OR51B5: variants seen among roughly 807,000 people sequenced by gnomAD.
The protein encoded by OR51B5 is olfactory receptor family 51 subfamily B member 5.
For missense variants in OR51B5, 456 were observed against 374.6 expected (o/e 1.22, Z -1.79); for synonymous variants, 186 against 144.8 (o/e 1.28, Z -2.04).
chr11:5,463,382 G>C (rs1851088751), intron 1 of OR51B5, among the ~76,000 whole-genome samples: 1 of 152,142 alleles, frequency 6.6e-6, no homozygotes. Context: ...TAAAGGTATG[G>C]ATGACATACT....
chr11:5,406,771 A>C (rs1202932354), intron 1 of OR51B5, among the ~76,000 whole-genome samples: 1 of 152,140 alleles, frequency 6.6e-6, no homozygotes, highest in East Asian at 1.9e-4. Flanking sequence ...TCCAAAGAGA[A>C]GGGAAGCCTA....
intron 1 of OR51B5, among the ~76,000 whole-genome samples, chr11:5,449,600 C>T (rs1307559287): frequency 6.6e-6 from 1 of 152,130 alleles, no homozygotes; most frequent in Non-Finnish European, 1.5e-5. Flanking sequence ...TCATTGAGTC[C>T]TTACTTGCCA....
At chr11:5,390,551 G>A in intron 1 of OR51B5, 1 of 598,372 alleles carries the variant, frequency 1.7e-6, no homozygotes, top group Non-Finnish European at 2.8e-6. Flanking sequence ...AACTTCTCTT[G>A]CTTAGATTTT....
At chr11:5,503,949 G>T (rs1481191266) in intron 1 of OR51B5, among the ~76,000 whole-genome samples, 1 of 152,088 alleles carries the variant, frequency 6.6e-6, no homozygotes, top group Non-Finnish European at 1.5e-5. Flanking sequence ...TTTAAGTGAT[G>T]TACTTCCCCT....
intron 1 of OR51B5, among the ~76,000 whole-genome samples, chr11:5,349,037 T>C (rs112478150): frequency 3.9e-5 from 6 of 152,268 alleles, no homozygotes; most frequent in African/African-American, 9.6e-5. Flanking sequence ...CATCAGTTTA[T>C]GCGGCAGAGT....
At chr11:5,398,393 C>T (rs889285233) in intron 1 of OR51B5, among the ~76,000 whole-genome samples, 2 of 152,102 alleles carry the variant, frequency 1.3e-5, no homozygotes, top group African/African-American at 2.4e-5. Context: ...ACTTTCTCCC[C>T]ATTACTCTAC....
At chr11:5,400,832 AAAG>A (rs1849956754) in intron 1 of OR51B5, among the ~76,000 whole-genome samples, 2 of 152,220 alleles carry the variant, frequency 1.3e-5, no homozygotes, top group Non-Finnish European at 2.9e-5. Context: ...TCTGCAGAGC[AAAG>A]AAGAACTTCA....
intron 1 of OR51B5, among the ~76,000 whole-genome samples, chr11:5,374,387 C>T (rs1382777589): frequency 2.0e-5 from 3 of 152,076 alleles, no homozygotes; most frequent in Non-Finnish European, 2.9e-5. Context: ...GGGGAAAAAA[C>T]AGAGCAGAAA....
At chr11:5,463,530 C>T (rs1031377222) in intron 1 of OR51B5, among the ~76,000 whole-genome samples, 2 of 152,164 alleles carry the variant, frequency 1.3e-5, no homozygotes, top group Non-Finnish European at 2.9e-5. Context: ...AGAGATATTT[C>T]GTCACTATCT....
rs1564911767 is a variant in OR51B5 at position 5,342,835 on chromosome 11, C to CTCTCTGGAGGCAATGCTCAGGACAGTCT, written c.662_689dup (p.Glu231AspfsTer70). The CTCTCTGGAGGCAATGCTCAGGACAGTCT allele has an allele frequency of 1.2e-6, 2 of 1,613,084 alleles. No individual in the cohort carries two copies. The highest frequency in any genetic ancestry group is 3.3e-5 in the Admixed American group (2 of 59,996). ...AGGTAATGAGAGCCTTGGCCCTCTC[C>CTCTCTGGAGGCAATGCTCAGGACAGTCT]TCTCTGGAGGCAATGCTCAGGACAG... On this transcript the variant is annotated frameshift_variant, in exon 1 of 1. Transcript: ENST00000300773. LOFTEE classifies it low-confidence loss of function (END_TRUNC).
intron 1 of OR51B5, among the ~76,000 whole-genome samples, chr11:5,349,108 C>G (rs1332268713): frequency 6.6e-6 from 1 of 152,104 alleles, no homozygotes; most frequent in Non-Finnish European, 1.5e-5. Context: ...ATGACAGAGA[C>G]CCTGGAAGAG....
At chr11:5,342,627 C>A in exon 1 of OR51B5, 1 of 1,604,510 alleles carries the variant, frequency 6.2e-7, no homozygotes, top group Admixed American at 1.7e-5. Context: ...TGAAGAATGG[C>A]ATTCTGAATC....
chr11:5,351,921 G>A (rs755916045), intron 1 of OR51B5: 3 of 1,613,196 alleles, frequency 1.9e-6, no homozygotes, highest in South Asian at 2.2e-5. Context: ...CCAACACCCA[G>A]GTAATGAAGA....
chr11:5,352,075 ATCACCT>A (rs1156905443), intron 1 of OR51B5: 1 of 1,614,152 alleles, frequency 6.2e-7, no homozygotes. Context: ...CTGTGCTGAC[ATCACCT>A]TCAACCGTCT....
chr11:5,403,134 T>C (rs1849998652), intron 1 of OR51B5: 1 of 470,558 alleles, frequency 2.1e-6, no homozygotes, highest in African/African-American at 2.0e-5. Flanking sequence ...CCCTCTCACA[T>C]TCCTATTGTC....
chr11:5,378,673 A>G (rs192450131), intron 1 of OR51B5, among the ~76,000 whole-genome samples: 3 of 152,372 alleles, frequency 2.0e-5, no homozygotes, highest in East Asian at 1.9e-4. Context: ...ACACTTCTCA[A>G]AAGAAAACAT....
chr11:5,361,354 G>C lies in OR51B5; in HGVS notation n.85-14444C>G, dbSNP rs1849281371. 2.0e-5 allele frequency among the ~76,000 whole-genome samples: 3 copies of C among 152,074 alleles called. No homozygotes were observed. The South Asian group carries it at 6.2e-4, about 32-fold the overall frequency. ...AAGAAGGAGGGAGGAGAGAGGAGTG[G>C]GCCGTAGGGAGGAGTTTCTGAAACT... is the stretch of plus-strand genomic sequence containing the variant. On this transcript the variant is annotated intron_variant and non_coding_transcript_variant, in intron 1 of 4. Coordinates refer to the OR51B5 transcript ENST00000415970.
At chr11:5,505,407 C>G (rs1846357877) in intron 1 of OR51B5, 1 of 1,304,084 alleles carries the variant, frequency 7.7e-7, no homozygotes, top group African/African-American at 1.5e-5. Flanking sequence ...CCCCTAGCAC[C>G]ACCATAAACA....
intron 1 of OR51B5, among the ~76,000 whole-genome samples, chr11:5,443,400 T>C (rs1850719977): frequency 6.6e-6 from 1 of 152,014 alleles, no homozygotes; most frequent in African/African-American, 2.4e-5. Context: ...ATTTAATGAG[T>C]AGTGTTTTCT....
Sources: gnomAD v4.1 joint callset for allele counts (sites outside exome capture counted in the v4.1 genomes callset) on GRCh38, gnomAD v4.1.1 for gene constraint, MANE v1.5 for transcripts, NCBI Gene and HGNC (gene_info 2026-07-23, HGNC 2026-07-21) for gene names.